FAF1: variants seen among roughly 807,000 people sequenced by gnomAD.
The protein encoded by FAF1 is FAS-associated factor 1.
A neutral mutation model predicts 92.5 loss-of-function variants in FAF1; 25 were observed. That is an observed-to-expected ratio of 0.27 (90% confidence interval 0.20 to 0.38). FAF1 has a LOEUF of 0.38. Among genes scored for constraint, FAF1 ranks in the 10% least tolerant of loss-of-function variants. The pLI is 1.00. For missense variants in FAF1, 636 were observed against 793.3 expected, an observed-to-expected ratio of 0.80 and a Z score of 2.38; for synonymous variants, 234 against 273.2, an observed-to-expected ratio of 0.86 and a Z score of 1.42.
intron 15 of FAF1, among the ~76,000 whole-genome samples, chr1:50,518,358 A>G (rs893917427): frequency 1.3e-5 from 2 of 152,222 alleles, no homozygotes. Flanking sequence ...AATAAAGGAT[A>G]CTAAAGGACA....
chr1:50,951,238 GAACA>G lies in FAF1; in HGVS notation c.45+8525_45+8528del, dbSNP rs1168410890. ...GGCCGAATGAGACCCTGTCTCAAACGAACAAACAAACAAAATTTGTTTCAAACCA... is the reference window on the plus strand; with the variant it reads ...GGCCGAATGAGACCCTGTCTCAAACGAACAAACAAAATTTGTTTCAAACCA... On this transcript the variant is annotated intron_variant, in intron 1 of 18. Transcript: ENST00000396153. Among the ~76,000 whole-genome samples, 18 of 152,192 alleles carry G rather than the reference GAACA, an allele frequency of 1.2e-4. No homozygotes were observed. In the South Asian group the frequency reaches 2.3e-3, roughly 19 times the overall value.
intron 1 of FAF1, among the ~76,000 whole-genome samples, chr1:50,899,741 C>A (rs1218674577): frequency 6.6e-6 from 1 of 152,172 alleles, no homozygotes; most frequent in Non-Finnish European, 1.5e-5. Context: ...TGAGCCACCA[C>A]GCCCAGCCTC....
chr1:50,636,635 C>T (rs142348409), intron 8 of FAF1, among the ~76,000 whole-genome samples: 8,664 of 151,958 alleles, frequency 0.057, 351 homozygotes, highest in Middle Eastern at 0.085. Context: ...GGATTACAGG[C>T]GTGAGCCACC....
chr1:50,860,478 T>A (rs1174054948), intron 1 of FAF1, among the ~76,000 whole-genome samples: 1 of 151,688 alleles, frequency 6.6e-6, no homozygotes, highest in Admixed American at 6.6e-5. Flanking sequence ...GACGTACACA[T>A]GGCCAACAAA....
intron 3 of FAF1, among the ~76,000 whole-genome samples, chr1:50,795,627 CCAGAAAACACATGTAT>C: frequency 6.6e-6 from 1 of 152,232 alleles, no homozygotes; most frequent in East Asian, 1.9e-4. Flanking sequence ...TTTCATACTG[CCAGAAAACACATGTAT>C]GGGAATTAAG....
chr1:50,616,809 T>C (rs905466703), intron 8 of FAF1, among the ~76,000 whole-genome samples: 1 of 151,958 alleles, frequency 6.6e-6, no homozygotes, highest in Non-Finnish European at 1.5e-5. Context: ...GTCTCCTGAG[T>C]AGCTGGGATT....
intron 4 of FAF1, chr1:50,781,053 G>C (rs1456635850): frequency 9.4e-6 from 4 of 426,392 alleles, no homozygotes; most frequent in South Asian, 1.7e-5. Flanking sequence ...AACTGTGCAA[G>C]ATGGAAGTCA....
chr1:50,890,556 G>C (rs1001985023), intron 1 of FAF1, among the ~76,000 whole-genome samples: 4 of 152,092 alleles, frequency 2.6e-5, no homozygotes, highest in African/African-American at 9.7e-5. Flanking sequence ...GAGCAGGCTT[G>C]GTGGTGACAA....
chr1:50,949,189 G>C (rs955777670), intron 1 of FAF1, among the ~76,000 whole-genome samples: 1 of 152,206 alleles, frequency 6.6e-6, no homozygotes, highest in Non-Finnish European at 1.5e-5. Context: ...ATGCAAATTT[G>C]CAGACCCTAC....
chr1:50,927,547 A>C (rs1645015855), intron 1 of FAF1, among the ~76,000 whole-genome samples: 1 of 152,218 alleles, frequency 6.6e-6, no homozygotes, highest in Admixed American at 6.5e-5. Flanking sequence ...TCTCCAAAAA[A>C]AATAAAAGCT....
chr1:50,885,266 T>C (rs565050628), intron 1 of FAF1, among the ~76,000 whole-genome samples: 4 of 151,872 alleles, frequency 2.6e-5, no homozygotes, highest in African/African-American at 9.7e-5. Flanking sequence ...TATTATTGTA[T>C]TAAGGTTTCC....
At chr1:50,798,686 A>G (rs1569965775) in intron 3 of FAF1, among the ~76,000 whole-genome samples, 1 of 152,240 alleles carries the variant, frequency 6.6e-6, no homozygotes, top group East Asian at 1.9e-4. Flanking sequence ...TCCTGACTCC[A>G]TCAACATCAG....
chr1:50,576,636 C>T (rs1335819220), intron 12 of FAF1, among the ~76,000 whole-genome samples: 2 of 150,596 alleles, frequency 1.3e-5, no homozygotes, highest in Admixed American at 1.3e-4. Flanking sequence ...CCGCACCGCC[C>T]CCCCCCCGCC....
chr1:50,777,800 G>T (rs1661018949), intron 4 of FAF1, among the ~76,000 whole-genome samples: 1 of 151,160 alleles, frequency 6.6e-6, no homozygotes, highest in Admixed American at 6.6e-5. Context: ...AAATTGAAAA[G>T]ATTAACCAGA....
intron 1 of FAF1, among the ~76,000 whole-genome samples, chr1:50,958,761 G>A (rs1570191614): frequency 6.6e-6 from 1 of 152,010 alleles, no homozygotes; most frequent in Non-Finnish European, 1.5e-5. Context: ...CAAAATTTCA[G>A]CAAGGAAAAA....
chr1:50,526,073 G>A (rs1428977760), intron 15 of FAF1, among the ~76,000 whole-genome samples: 1 of 152,142 alleles, frequency 6.6e-6, no homozygotes, highest in African/African-American at 2.4e-5. Context: ...CTAAACAGTA[G>A]AAGGTAATTG....
chr1:50,485,503 AT>A (rs1646754067), intron 17 of FAF1, among the ~76,000 whole-genome samples: 1 of 151,628 alleles, frequency 6.6e-6, no homozygotes, highest in African/African-American at 2.4e-5. Flanking sequence ...TCTACTAAAA[AT>A]ATAAAAAATT....
At chr1:50,694,712 G>A (rs1258059795) in intron 7 of FAF1, among the ~76,000 whole-genome samples, 2 of 150,932 alleles carry the variant, frequency 1.3e-5, no homozygotes, top group African/African-American at 2.4e-5. Context: ...TTGGGAGGCC[G>A]AGGTGGGCGG....
At chr1:50,553,413 TG>T (rs1403161539) in intron 13 of FAF1, among the ~76,000 whole-genome samples, 1 of 152,184 alleles carries the variant, frequency 6.6e-6, no homozygotes, top group African/African-American at 2.4e-5. Context: ...GACTCATTTG[TG>T]GGTGATAAAA....
Sources: gnomAD v4.1 joint callset for allele counts (sites outside exome capture counted in the v4.1 genomes callset) on GRCh38, gnomAD v4.1.1 for gene constraint, MANE v1.5 for transcripts, NCBI Gene and HGNC (gene_info 2026-07-23, HGNC 2026-07-21) for gene names.